The following GAS6 variants were observed in gnomAD, a reference collection of about 807,000 sequenced individuals.
The protein encoded by GAS6 is growth arrest-specific protein 6.
GAS6 carries 41 observed loss-of-function variants against 75.8 expected under a neutral mutation model. The ratio of observed to expected loss-of-function variants is 0.54; its 90% CI spans 0.42 to 0.70. GAS6 has a LOEUF of 0.70. GAS6 is among the 30% of genes least tolerant of loss of function. GAS6 has a pLI of 0.00. For missense variants in GAS6, 854 were observed against 940.2 expected (o/e 0.91, Z 1.20); for synonymous variants, 432 against 412.6 (o/e 1.05, Z -0.57).
chr13:113,833,135 T>C (rs2051651117), intron 8 of GAS6: 1 of 1,159,886 alleles, frequency 8.6e-7, no homozygotes, highest in African/African-American at 1.6e-5. Flanking sequence ...GAAAGTTCCC[T>C]GTTCTGGGCT....
chr13:113,856,314 T>C (rs2051913856), intron 2 of GAS6, among the ~76,000 whole-genome samples: 1 of 152,082 alleles, frequency 6.6e-6, no homozygotes, highest in African/African-American at 2.4e-5. Context: ...TCTCCCCCAG[T>C]CCCAGCGAGC....
At chr13:113,854,387 T>G (rs2051897758) in intron 2 of GAS6, among the ~76,000 whole-genome samples, 1 of 152,236 alleles carries the variant, frequency 6.6e-6, no homozygotes, top group African/African-American at 2.4e-5. Flanking sequence ...TTCCAGCAGC[T>G]GCACGGCGGT....
intron 12 of GAS6, among the ~76,000 whole-genome samples, chr13:113,824,030 G>A (rs2051497116): frequency 6.7e-6 from 1 of 149,828 alleles, no homozygotes; most frequent in African/African-American, 2.5e-5. Context: ...GCTGTCATGA[G>A]CACGGTGGTC....
chr13:113,858,880 T>G (rs903874530), intron 2 of GAS6, among the ~76,000 whole-genome samples: 11 of 147,422 alleles, frequency 7.5e-5, no homozygotes, highest in African/African-American at 2.8e-4. Context: ...TACATGACTA[T>G]GTAAGTCTAT....
intron 2 of GAS6, among the ~76,000 whole-genome samples, chr13:113,855,906 T>C (rs977466604): frequency 6.6e-6 from 1 of 152,168 alleles, no homozygotes; most frequent in African/African-American, 2.4e-5. Flanking sequence ...TGGGTTGCTC[T>C]GAGGACTGGT....
At position 113,835,842 on chromosome 13, in the gene GAS6, G is replaced by T. The variant is rs1337329890; in HGVS notation, c.590-207C>A. ...GGTGCACGCTTCTGATCAAGGCCCG[G>T]CTGGGAAGGCTGACTTCAGCCCAGC... is the stretch of plus-strand genomic sequence containing the variant. On this transcript the variant is annotated intron_variant, in intron 6 of 14. Transcript: ENST00000327773. 26 of 1,368,460 alleles carry T rather than the reference G, an allele frequency of 1.9e-5. No homozygotes were observed. The East Asian group carries it at 5.0e-4, about 26-fold the overall frequency. 84.8% of individuals were successfully genotyped at this position (1,368,460 alleles called of 1,614,324 possible). A position where few individuals can be genotyped will look rare whatever the true frequency, so the allele number is the denominator to read the frequency against.
At chr13:113,839,899 G>T (rs1463788250) in intron 4 of GAS6, 49 bp from the exon 5 acceptor site, 2 of 1,612,012 alleles carry the variant, frequency 1.2e-6, no homozygotes, top group African/African-American at 2.7e-5. Flanking sequence ...CCCCACCCCT[G>T]CGCGCCCAAC....
At chr13:113,833,320 C>T (rs1011492691) in intron 8 of GAS6, 48 of 1,000,962 alleles carry the variant, frequency 4.8e-5, no homozygotes, top group Middle Eastern at 5.0e-4. Context: ...CATGAGGCAG[C>T]GAGGCAAAGA....
At chr13:113,835,691 G>A in intron 6 of GAS6, 56 bp from the exon 7 acceptor site, 4 of 1,589,160 alleles carry the variant, frequency 2.5e-6, no homozygotes, top group South Asian at 1.1e-5. Flanking sequence ...AGACGGGGCT[G>A]GGGCAGGCGG....
At chr13:113,828,250 C>T (rs553600436) in intron 11 of GAS6, among the ~76,000 whole-genome samples, 2 of 151,502 alleles carry the variant, frequency 1.3e-5, no homozygotes, top group Admixed American at 6.5e-5. Flanking sequence ...GGCAACAGAG[C>T]AAGACTCCGT....
intron 12 of GAS6, among the ~76,000 whole-genome samples, chr13:113,825,676 C>T (rs1008201697): frequency 3.3e-5 from 5 of 152,344 alleles, no homozygotes; most frequent in East Asian, 3.9e-4. Context: ...GACATGATTT[C>T]GTGTCAAACA....
chr13:113,833,666 CG>C, intron 8 of GAS6: 1 of 983,736 alleles, frequency 1.0e-6, no homozygotes, highest in Non-Finnish European at 1.2e-6. Context: ...TGTGACAGGT[CG>C]GTGTGACAGA....
intron 11 of GAS6, among the ~76,000 whole-genome samples, chr13:113,827,409 G>A (rs2051564352): frequency 6.6e-6 from 1 of 152,228 alleles, no homozygotes; most frequent in Admixed American, 6.5e-5. Context: ...GCTAGGAAAG[G>A]ACTGAAAAGG....
chr13:113,856,507 C>T (rs914157421), intron 2 of GAS6, among the ~76,000 whole-genome samples: 1 of 152,048 alleles, frequency 6.6e-6, no homozygotes, highest in African/African-American at 2.4e-5. Flanking sequence ...CAGGAGGACC[C>T]GTGCACGATT....
At chr13:113,833,609 C>A (rs1233341285) in intron 8 of GAS6, 10 of 908,602 alleles carry the variant, frequency 1.1e-5, no homozygotes, top group Non-Finnish European at 1.3e-5. Context: ...GTGACAGGCA[C>A]CGGTGTGACA....
intron 13 of GAS6, chr13:113,823,111 C>T (rs138436077): frequency 1.0e-5 from 4 of 400,578 alleles, no homozygotes; most frequent in East Asian, 3.8e-5. Flanking sequence ...CCCAACCGAA[C>T]AGGGGAAAAG....
chr13:113,833,918 G>C (rs1370970299), intron 8 of GAS6, among the ~76,000 whole-genome samples: 2 of 150,740 alleles, frequency 1.3e-5, no homozygotes, highest in African/African-American at 2.5e-5. Flanking sequence ...ACAGGTCGGT[G>C]TGACAGGCAC....
chr13:113,858,646 AC>A (rs1365007584), intron 2 of GAS6, among the ~76,000 whole-genome samples: 1 of 65,626 alleles, frequency 1.5e-5, no homozygotes, highest in African/African-American at 1.5e-4. Context: ...TGTGTTTGTG[AC>A]TGTATGTGTA....
chr13:113,855,018 G>A (rs1055328562), intron 2 of GAS6, among the ~76,000 whole-genome samples: 5 of 152,256 alleles, frequency 3.3e-5, no homozygotes, highest in Admixed American at 2.0e-4. Flanking sequence ...AACAGCTGCC[G>A]TGGAGAGGAA....
Sources: allele counts gnomAD v4.1 joint callset (sites outside exome capture counted in the v4.1 genomes callset), GRCh38; gene constraint gnomAD v4.1.1; transcripts MANE v1.5; gene names NCBI Gene and HGNC (gene_info 2026-07-23, HGNC 2026-07-21).